The following LY96 variants were observed in gnomAD, a reference collection of about 807,000 sequenced individuals.
The protein encoded by LY96 is myeloid differentiation protein-2.
In LY96, 18 loss-of-function variants were observed where a neutral mutation model predicts 18.9. That is an observed-to-expected ratio of 0.95 (90% confidence interval 0.66 to 1.41). The LOEUF is 1.41. Among genes scored for constraint, LY96 ranks in the 40% most tolerant of loss-of-function variants. LY96 has a pLI of 0.00. For missense variants in LY96, 175 were observed against 182.4 expected, an observed-to-expected ratio of 0.96 and a Z score of 0.23; for synonymous variants, 66 against 62.6, an observed-to-expected ratio of 1.06 and a Z score of -0.26.
chr8:73,998,919 G>T (rs957432686), intron 1 of LY96, among the ~76,000 whole-genome samples: 2 of 151,036 alleles, frequency 1.3e-5, no homozygotes, highest in Admixed American at 1.3e-4. Flanking sequence ...TATTCCTCCT[G>T]GTACTATTGT....
At chr8:74,071,163 T>A in the LY96 span, among the ~76,000 whole-genome samples, 1 of 152,000 alleles carries the variant, frequency 6.6e-6, no homozygotes, top group Non-Finnish European at 1.5e-5. Context: ...AGCACCATAC[T>A]ATGATGCTAT....
the LY96 span, among the ~76,000 whole-genome samples, chr8:74,048,182 A>G: frequency 6.6e-6 from 1 of 152,080 alleles, no homozygotes; most frequent in Admixed American, 6.5e-5. Flanking sequence ...TCAAGTCCTC[A>G]AAGCCTGGCA....
the LY96 span, among the ~76,000 whole-genome samples, chr8:74,053,272 T>C: frequency 1.5e-4 from 23 of 152,362 alleles, no homozygotes; most frequent in East Asian, 4.2e-3. Context: ...TTTTAATTCC[T>C]ACTCTCAATG....
rs201186417 is a variant in LY96, at chr8:74,018,228, C to CAA, written c.331+8107_331+8108dup. On this transcript the variant is annotated intron_variant, in intron 3 of 4. Coordinates refer to ENST00000284818, the MANE Select transcript of LY96 (RefSeq NM_015364.5). ...GAAGATCTACCAAGCAAATGGAAAG[C>CAA]AAAAAAAAATAAAAAAAATAAATAA... Among the ~76,000 whole-genome samples, 85 of 145,232 alleles carry CAA rather than the reference C, an allele frequency of 5.9e-4. 1 individual carries two copies. Among genetic ancestry groups the CAA allele is most frequent in the Middle Eastern group, 3.5e-3 (1 of 288 alleles).
At chr8:74,015,244 AT>A (rs1816618407) in intron 3 of LY96, among the ~76,000 whole-genome samples, 2 of 152,138 alleles carry the variant, frequency 1.3e-5, no homozygotes, top group Non-Finnish European at 2.9e-5. Context: ...TGTTACCGGG[AT>A]TTTGCTGGGG....
Position 74,010,072 on chromosome 8 carries a change from G to T in LY96, c.274G>T (p.Glu92Ter). Reference protein sequence around the residue: ...VNTMNLPKRKEVICRGSDDDY... With the variant: ...VNTMNLPKRK ...CACCATGAATCTTCCAAAGCGCAAA[G>T]AAGTTATTTGCCGAGGATCTGATGA... Residue 92 changes from glutamate (E) to a stop codon, truncating the protein, a stop_gained, in exon 3 of 5, where the codon GAA (glutamate) becomes TAA (stop). Transcript: ENST00000284818. LOFTEE classifies it high-confidence loss of function. The T allele has an allele frequency of 6.2e-7, 1 of 1,612,216 alleles. No individual in the cohort carries two copies. The highest frequency in any genetic ancestry group is 2.2e-5 in the East Asian group (1 of 44,750).
the LY96 span, among the ~76,000 whole-genome samples, chr8:74,050,316 C>T: frequency 6.6e-6 from 1 of 151,862 alleles, no homozygotes; most frequent in Non-Finnish European, 1.5e-5. Context: ...GTACTTCAGC[C>T]TGGGTAACAG....
rs372076218 is a variant in LY96, at chr8:74,003,407, T to C, written c.113-1389T>C. On this transcript the variant is annotated intron_variant, in intron 1 of 4. Transcript: ENST00000284818. The stretch of plus-strand genomic sequence containing the variant: ...TATAGAGGCAGAACAATTAATCCAA[T>C]TGTGACAGGTTCATAACTCAGGACT... Among the ~76,000 whole-genome samples, 76 of 152,338 alleles carry C rather than the reference T, an allele frequency of 5.0e-4. No individual in the cohort carries two copies. The Middle Eastern group carries it at 0.014, about 27-fold the overall frequency.
At chr8:74,058,629 C>T in the LY96 span, among the ~76,000 whole-genome samples, 4 of 151,598 alleles carry the variant, frequency 2.6e-5, no homozygotes, top group Admixed American at 2.0e-4. Flanking sequence ...TAGCGATTCT[C>T]CTGCCTCAGC....
At chr8:74,083,468 C>A in the LY96 span, among the ~76,000 whole-genome samples, 2 of 152,170 alleles carry the variant, frequency 1.3e-5, no homozygotes, top group African/African-American at 4.8e-5. Context: ...CCTGCCTTGG[C>A]CTCCCAGAGT....
At chr8:73,996,420 T>TCTTTCTTTCTTTCTTA (rs1816146805) in intron 1 of LY96, among the ~76,000 whole-genome samples, 1 of 131,316 alleles carries the variant, frequency 7.6e-6, no homozygotes, top group Non-Finnish European at 1.6e-5. Flanking sequence ...TTTCTTTCTT[T>TCTTTCTTTCTTTCTTA]CTTTCTTTCT....
At chr8:74,078,964 T>G in the LY96 span, among the ~76,000 whole-genome samples, 1 of 152,222 alleles carries the variant, frequency 6.6e-6, no homozygotes, top group Non-Finnish European at 1.5e-5. Flanking sequence ...TAATTTGATG[T>G]GTTAACTTGA....
chr8:74,061,198 C>T, the LY96 span, among the ~76,000 whole-genome samples: 5 of 152,210 alleles, frequency 3.3e-5, no homozygotes, highest in East Asian at 1.9e-4. Context: ...AAACCATAAC[C>T]TCCAATGTGA....
the LY96 span, chr8:74,056,071 G>C: frequency 6.2e-6 from 1 of 161,694 alleles, no homozygotes; most frequent in East Asian, 1.9e-4. Context: ...TTGGCCTCAA[G>C]GGTTGTGATA....
chr8:74,028,339 C>A (rs1350806395), intron 4 of LY96, among the ~76,000 whole-genome samples: 1 of 151,960 alleles, frequency 6.6e-6, no homozygotes, highest in African/African-American at 2.4e-5. Context: ...CTCTAACATA[C>A]ATGGGCAAAA....
chr8:74,084,342 T>C, the LY96 span, among the ~76,000 whole-genome samples: 1 of 152,198 alleles, frequency 6.6e-6, no homozygotes, highest in Non-Finnish European at 1.5e-5. Context: ...TGCTCAGTGG[T>C]AATACTCCAG....
the LY96 span, among the ~76,000 whole-genome samples, chr8:74,071,190 A>G: frequency 6.6e-6 from 1 of 151,974 alleles, no homozygotes; most frequent in African/African-American, 2.4e-5. Flanking sequence ...GCTCAGAAGC[A>G]TTCCTTATAG....
chr8:74,012,956 G>GT (rs891274288), intron 3 of LY96, among the ~76,000 whole-genome samples: 184 of 148,182 alleles, frequency 1.2e-3, no homozygotes, highest in Non-Finnish European at 2.0e-3. Context: ...ACTGGGATAA[G>GT]TTTTTTTTTT....
chr8:74,002,024 T>C lies in LY96; in HGVS notation c.113-2772T>C, dbSNP rs1586648554. ...CTTCCTTTCTTCCTTCCTTCCTTCC[T>C]TCCTTCCTTCCTTCCTTCCTTCCTT... is the stretch of plus-strand genomic sequence containing the variant. On this transcript the variant is annotated intron_variant, in intron 1 of 4. Coordinates refer to ENST00000284818, the MANE Select transcript of LY96 (RefSeq NM_015364.5). Among the ~76,000 whole-genome samples, 3 of 20,388 alleles carry C rather than the reference T, an allele frequency of 1.5e-4. 1 individual carries two copies. Among genetic ancestry groups the C allele is most frequent in the Admixed American group, 1.2e-3 (2 of 1,718 alleles). The allele number at this position is 20,388 out of a possible 152,430, so 13.4% of individuals were successfully genotyped here. A position where few individuals can be genotyped will look rare whatever the true frequency, so the allele number is the denominator to read the frequency against.
Sources: gnomAD v4.1 joint callset for allele counts (sites outside exome capture counted in the v4.1 genomes callset) on GRCh38, gnomAD v4.1.1 for gene constraint, MANE v1.5 for transcripts, NCBI Gene and HGNC (gene_info 2026-07-23, HGNC 2026-07-21) for gene names.